Variants in CYP4Z1 observed in about 807,000 individuals in gnomAD.
The protein encoded by CYP4Z1 is cytochrome P450 4Z1.
In CYP4Z1, 41 loss-of-function variants were observed where a neutral mutation model predicts 54.2. The ratio of observed to expected loss-of-function variants is 0.76; its 90% CI spans 0.59 to 0.98. The LOEUF is 0.98. CYP4Z1 is among the 50% of genes least tolerant of loss of function. The pLI, the probability that CYP4Z1 is intolerant of heterozygous loss-of-function variation, is 0.00. For missense variants in CYP4Z1, 513 were observed against 599.0 expected (o/e 0.86, Z 1.50); for synonymous variants, 163 against 206.2 (o/e 0.79, Z 1.79).
chr1:47,061,592 C>T, the CYP4Z1 span, among the ~76,000 whole-genome samples: 1 of 152,286 alleles, frequency 6.6e-6, no homozygotes, highest in East Asian at 1.9e-4. Context: ...TAGCCATATT[C>T]TACCAGATGT....
chr1:47,092,937 AG>A (rs1222870186), intron 6 of CYP4Z1, among the ~76,000 whole-genome samples: 1 of 139,678 alleles, frequency 7.2e-6, no homozygotes, highest in Non-Finnish European at 1.5e-5. Context: ...GCCCCAAATA[AG>A]GGGAATCCTC....
intron 2 of CYP4Z1, among the ~76,000 whole-genome samples, chr1:47,074,016 G>T (rs1569701148): frequency 6.6e-6 from 1 of 150,892 alleles, no homozygotes; most frequent in East Asian, 2.0e-4. Context: ...AGAAACCATT[G>T]CCCAGTCCAA....
the CYP4Z1 span, among the ~76,000 whole-genome samples, chr1:47,056,034 C>G: frequency 6.6e-6 from 1 of 152,026 alleles, no homozygotes; most frequent in Non-Finnish European, 1.5e-5. Context: ...TTATATCTTT[C>G]CTGCTTTCTC....
chr1:47,061,841 A>G, the CYP4Z1 span, among the ~76,000 whole-genome samples: 1 of 152,236 alleles, frequency 6.6e-6, no homozygotes, highest in Non-Finnish European at 1.5e-5. Context: ...ATGATGCTCA[A>G]GTAGGCTTCA....
rs183077975 is a variant in CYP4Z1 at position 47,113,904 on chromosome 1, C to G, written c.1202-1625C>G. Among the ~76,000 whole-genome samples, 586 of 152,304 alleles carry G rather than the reference C, an allele frequency of 3.8e-3. 2 individuals are homozygous for G. Among genetic ancestry groups the G allele is most frequent in the Middle Eastern group, 0.014 (4 of 294 alleles). On this transcript the variant is annotated intron_variant, in intron 9 of 11. Coordinates refer to ENST00000334194, the MANE Select transcript of CYP4Z1 (RefSeq NM_178134.3). ...TTTATAGTTTCAATGCCATCCCTAT[C>G]AAGCTACCAATGACTTTCTTCACAG...
the CYP4Z1 span, among the ~76,000 whole-genome samples, chr1:47,057,144 G>T: frequency 1.7e-3 from 256 of 151,250 alleles, no homozygotes; most frequent in African/African-American, 5.9e-3. Flanking sequence ...GCATTTGCTT[G>T]TCTGTAAAGT....
intron 6 of CYP4Z1, among the ~76,000 whole-genome samples, chr1:47,091,270 G>T (rs1286482964): frequency 7.0e-6 from 1 of 142,744 alleles, no homozygotes; most frequent in African/African-American, 2.9e-5. Flanking sequence ...GAAGCATGTT[G>T]ATGCCCTGAG....
At chr1:47,101,070 A>G (rs1409193276) in intron 8 of CYP4Z1, among the ~76,000 whole-genome samples, 4 of 151,896 alleles carry the variant, frequency 2.6e-5, no homozygotes, top group Admixed American at 2.0e-4. Context: ...GTCTCTAGTG[A>G]CCTTTTGTAC....
upstream of CYP4Z1, among the ~76,000 whole-genome samples, chr1:47,062,754 C>T (rs886242699): frequency 1.3e-5 from 2 of 152,214 alleles, no homozygotes; most frequent in Admixed American, 6.5e-5. Context: ...TCTTTCTCTA[C>T]CCACCCTGGT....
intron 9 of CYP4Z1, among the ~76,000 whole-genome samples, chr1:47,110,756 T>C (rs1644787206): frequency 6.6e-6 from 1 of 151,250 alleles, no homozygotes; most frequent in Admixed American, 6.6e-5. Flanking sequence ...AATGAAAGAA[T>C]GTGTACTGCC....
At chr1:47,112,163 C>CA (rs1430984344) in intron 9 of CYP4Z1, among the ~76,000 whole-genome samples, 1 of 151,736 alleles carries the variant, frequency 6.6e-6, no homozygotes, top group Non-Finnish European at 1.5e-5. Context: ...CAAAACTAGT[C>CA]AAAAAACACA....
intron 2 of CYP4Z1, among the ~76,000 whole-genome samples, chr1:47,079,405 T>C (rs1644548174): frequency 6.6e-6 from 1 of 152,186 alleles, no homozygotes. Context: ...ATTTTTGTTT[T>C]TGCTTTGGGA....
chr1:47,084,991 AT>A lies in CYP4Z1; in HGVS notation c.772+16del. The A allele has an allele frequency of 8.5e-7, 1 of 1,178,202 alleles. No individual in the cohort carries two copies. Among genetic ancestry groups the A allele is most frequent in the South Asian group, 1.5e-5 (1 of 65,446 alleles). 73.0% of individuals were successfully genotyped at this position (1,178,202 alleles called of 1,614,324 possible). A position where few individuals can be genotyped will look rare whatever the true frequency, so the allele number is the denominator to read the frequency against. On this transcript the variant is annotated intron_variant, in intron 6 of 11. Transcript: ENST00000334194. ...CATCAGTTCACAGGTTAGTCCTGGG[AT>A]TTACATGGCCAGAGTCCACTATGAG... is the stretch of plus-strand genomic sequence containing the variant.
intron 9 of CYP4Z1, among the ~76,000 whole-genome samples, chr1:47,111,429 C>T (rs1318013631): frequency 3.3e-5 from 5 of 152,142 alleles, no homozygotes; most frequent in Non-Finnish European, 5.9e-5. Context: ...GTGATCCACC[C>T]GCCTGGGCCT....
chr1:47,056,352 T>C, the CYP4Z1 span, among the ~76,000 whole-genome samples: 1 of 152,180 alleles, frequency 6.6e-6, no homozygotes, highest in Non-Finnish European at 1.5e-5. Flanking sequence ...ATGTGGTCAA[T>C]TTTGGAACAG....
chr1:47,107,499 C>A (rs1038329356), intron 9 of CYP4Z1, among the ~76,000 whole-genome samples: 3 of 152,010 alleles, frequency 2.0e-5, no homozygotes, highest in African/African-American at 7.3e-5. Context: ...ATATTTATTA[C>A]CTACATAATA....
chr1:47,105,847 T>G (rs1336483167), intron 8 of CYP4Z1, among the ~76,000 whole-genome samples: 3 of 152,174 alleles, frequency 2.0e-5, no homozygotes, highest in Non-Finnish European at 4.4e-5. Flanking sequence ...CTACCAAATT[T>G]TCACAGATGT....
At chr1:47,082,181 G>A (rs1290984376) in intron 3 of CYP4Z1, among the ~76,000 whole-genome samples, 153 bp from the exon 4 acceptor site, 2 of 152,014 alleles carry the variant, frequency 1.3e-5, no homozygotes, top group African/African-American at 4.8e-5. Context: ...ATTCCCAAAG[G>A]ATTAGGTCTA....
chr1:47,089,066 G>A (rs907960747), intron 6 of CYP4Z1, among the ~76,000 whole-genome samples: 3 of 149,302 alleles, frequency 2.0e-5, no homozygotes, highest in African/African-American at 7.5e-5. Flanking sequence ...GTAACTATTT[G>A]TTTTCTATTT....
Sources: allele counts gnomAD v4.1 joint callset (sites outside exome capture counted in the v4.1 genomes callset), GRCh38; gene constraint gnomAD v4.1.1; transcripts MANE v1.5; gene names NCBI Gene and HGNC (gene_info 2026-07-23, HGNC 2026-07-21).